Variants in YWHAE observed in about 807,000 individuals in gnomAD.
YWHAE encodes the protein 14-3-3 protein epsilon.
In YWHAE, 4 loss-of-function variants were observed where a neutral mutation model predicts 30.1. The ratio of observed to expected loss-of-function variants is 0.13; its 90% CI spans 0.07 to 0.30. The LOEUF (loss-of-function observed/expected upper bound fraction) is 0.30, where lower values mean the gene tolerates loss of function less well. YWHAE is among the 10% of genes least tolerant of loss of function. The probability of loss-of-function intolerance (pLI) is 1.00; values close to 1 mark genes in which losing one functional copy is unlikely to be tolerated. For synonymous variants in YWHAE, 118 were observed against 111.8 expected (o/e 1.06, Z -0.35); for missense variants, 121 against 315.9 (o/e 0.38, Z 4.68).
At chr17:1,388,007 C>T (rs2150873943) in intron 1 of YWHAE, among the ~76,000 whole-genome samples, 1 of 146,370 alleles carries the variant, frequency 6.8e-6, no homozygotes, top group Non-Finnish European at 1.5e-5. Flanking sequence ...CTCACTGCAA[C>T]CTTTGCCTCC....
At chr17:1,371,665 T>C (rs146858251) in intron 1 of YWHAE, among the ~76,000 whole-genome samples, 8 of 152,210 alleles carry the variant, frequency 5.3e-5, no homozygotes, top group Non-Finnish European at 1.2e-4. Context: ...CCTATGGAGC[T>C]AGACACACTG....
intron 1 of YWHAE, chr17:1,369,810 T>C (rs1421306643): frequency 6.6e-6 from 1 of 152,210 alleles, no homozygotes; most frequent in Non-Finnish European, 1.5e-5. Flanking sequence ...ATAGAAAAGT[T>C]ATGTTTAAAC....
At chr17:1,382,443 GCCTC>G in intron 1 of YWHAE, among the ~76,000 whole-genome samples, 2 of 147,200 alleles carry the variant, frequency 1.4e-5, no homozygotes, top group South Asian at 4.4e-4. Context: ...GGCAAGCTCC[GCCTC>G]CCGGGTTCTG....
At chr17:1,348,166 C>A (rs1218918140) in intron 5 of YWHAE, among the ~76,000 whole-genome samples, 2 of 152,170 alleles carry the variant, frequency 1.3e-5, no homozygotes, top group East Asian at 3.8e-4. Context: ...TCTGTCTACT[C>A]CTCCTCCCTT....
chr17:1,384,931 G>C (rs1453282544), intron 1 of YWHAE, among the ~76,000 whole-genome samples: 1 of 151,920 alleles, frequency 6.6e-6, no homozygotes, highest in Non-Finnish European at 1.5e-5. Flanking sequence ...GGCTGGTCCT[G>C]AACTCCCAAC....
intron 1 of YWHAE, among the ~76,000 whole-genome samples, chr17:1,394,460 A>AAAAAAACC (rs1555647412): frequency 2.2e-5 from 3 of 137,624 alleles, no homozygotes; most frequent in African/African-American, 8.6e-5. Context: ...AAAAAAAAAA[A>AAAAAAACC]ACACAAAAAT....
intron 1 of YWHAE, among the ~76,000 whole-genome samples, chr17:1,382,276 C>T (rs1364961661): frequency 6.7e-6 from 1 of 149,796 alleles, no homozygotes; most frequent in Non-Finnish European, 1.5e-5. Flanking sequence ...TCTCGATCTC[C>T]TGACCTCATG....
At chr17:1,360,229 T>A (rs2072842310) in intron 4 of YWHAE, among the ~76,000 whole-genome samples, 1 of 152,142 alleles carries the variant, frequency 6.6e-6, no homozygotes, top group South Asian at 2.1e-4. Context: ...CCCAAAGTGC[T>A]GGGATTACAG....
At chr17:1,373,999 T>C (rs1046641802) in intron 1 of YWHAE, among the ~76,000 whole-genome samples, 2 of 152,152 alleles carry the variant, frequency 1.3e-5, no homozygotes, top group South Asian at 2.1e-4. Context: ...CTTCACCTAC[T>C]GTATGGATAT....
intron 2 of YWHAE, chr17:1,364,652 T>A: frequency 1.6e-6 from 1 of 623,708 alleles, no homozygotes. Context: ...ATACCAAACC[T>A]GATACAGACT....
intron 5 of YWHAE, among the ~76,000 whole-genome samples, chr17:1,349,175 T>C (rs1343196175): frequency 6.6e-6 from 1 of 151,970 alleles, no homozygotes; most frequent in Non-Finnish European, 1.5e-5. Context: ...ACCCTGTCTC[T>C]ACTGAAAATA....
At chr17:1,357,155 G>A (rs1405497877) in intron 4 of YWHAE, among the ~76,000 whole-genome samples, 5 of 151,994 alleles carry the variant, frequency 3.3e-5, no homozygotes, top group Non-Finnish European at 5.9e-5. Context: ...TGTAATCCCA[G>A]CACTTTGGGA....
intron 5 of YWHAE, among the ~76,000 whole-genome samples, chr17:1,350,628 G>C (rs2072613871): frequency 6.6e-6 from 1 of 151,410 alleles, no homozygotes; most frequent in South Asian, 2.1e-4. Flanking sequence ...TTGTAGTAGA[G>C]ACGGGGTTTC....
chr17:1,379,077 T>C (rs1288749312), intron 1 of YWHAE, among the ~76,000 whole-genome samples: 2 of 152,224 alleles, frequency 1.3e-5, no homozygotes, highest in East Asian at 3.8e-4. Flanking sequence ...TTTAATTTTA[T>C]CATAATTAAT....
chr17:1,376,418 G>C (rs533138884), intron 1 of YWHAE, among the ~76,000 whole-genome samples: 1 of 152,040 alleles, frequency 6.6e-6, no homozygotes, highest in Admixed American at 6.6e-5. Context: ...GAAAAGAAAA[G>C]AAGGAAAGAA....
intron 1 of YWHAE, among the ~76,000 whole-genome samples, chr17:1,381,601 C>T (rs142347989): frequency 2.5e-3 from 379 of 151,988 alleles, no homozygotes; most frequent in Non-Finnish European, 4.7e-3. Flanking sequence ...AAACTATCAA[C>T]TAATCAAAAC....
At chr17:1,374,226 G>A (rs1326255619) in intron 1 of YWHAE, among the ~76,000 whole-genome samples, 1 of 151,852 alleles carries the variant, frequency 6.6e-6, no homozygotes, top group African/African-American at 2.4e-5. Flanking sequence ...GCTGAAGCAG[G>A]ACAACTGCTT....
intron 1 of YWHAE, among the ~76,000 whole-genome samples, chr17:1,384,992 A>C (rs2073278307): frequency 6.6e-6 from 1 of 151,772 alleles, no homozygotes. Context: ...TTTTAAAATC[A>C]GTTTCAGGTT....
intron 1 of YWHAE, among the ~76,000 whole-genome samples, chr17:1,373,385 C>A (rs1400473198): frequency 6.6e-6 from 1 of 151,706 alleles, no homozygotes; most frequent in Admixed American, 6.6e-5. Flanking sequence ...AAGTTTGAGG[C>A]CGGGCGAGGT....
Sources: gnomAD v4.1 joint callset for allele counts (sites outside exome capture counted in the v4.1 genomes callset) on GRCh38, gnomAD v4.1.1 for gene constraint, MANE v1.5 for transcripts, NCBI Gene and HGNC (gene_info 2026-07-23, HGNC 2026-07-21) for gene names.